Variants in ZIM3 observed in about 807,000 individuals in gnomAD.
ZIM3 encodes zinc finger imprinted 3, also known as zinc finger protein 657.
In ZIM3, 11 loss-of-function variants were observed where a neutral mutation model predicts 12.9. That is an observed-to-expected ratio of 0.85 (90% CI 0.54 to 1.41). The LOEUF (loss-of-function observed/expected upper bound fraction) is 1.41. Among genes scored for constraint, ZIM3 ranks in the 40% most tolerant of loss-of-function variants. The probability of loss-of-function intolerance (pLI) is 0.00; values close to 1 mark genes in which losing one functional copy is unlikely to be tolerated. For missense variants in ZIM3, 604 were observed against 557.2 expected, an observed-to-expected ratio of 1.08 and a Z score of -0.85; for synonymous variants, 205 against 198.5, an observed-to-expected ratio of 1.03 and a Z score of -0.28.
chr19:57,135,638 C>A lies in ZIM3; in HGVS notation c.699G>T (p.Lys233Asn), dbSNP rs2086882755. ...GATGTTGAAAGAGATTTGACTTCTG[C>A]TTGTAGGCATTTCCACAGTTCTCAC... ...YKCENCGNAY[K>N]QKSNLFQHQK... Residue 233 changes from lysine to asparagine, a missense_variant, in exon 5 of 5, where the codon AAG becomes AAT. Lys to Asn is a moderately conservative substitution (Grantham distance 94). Transcript: ENST00000269834. 1 of 1,611,880 alleles carries A rather than the reference C, an allele frequency of 6.2e-7. No homozygotes were observed. Among genetic ancestry groups the A allele is most frequent in the South Asian group, 1.1e-5 (1 of 91,034 alleles).
At position 57,135,899 on chromosome 19, in the gene ZIM3, G is replaced by A. The variant is rs78230615; in HGVS notation, c.438C>T (p.His146=). ...CTAATTTTCTGTATCCATTATCATCGTGAGAATTATTTTGTACATAGTGTT... is the reference window on the plus strand; with the variant it reads ...CTAATTTTCTGTATCCATTATCATCATGAGAATTATTTTGTACATAGTGTT... The part of the protein sequence containing the change: ...SLQHYVQNNS[H]DDNGYRKLVG... Residue 146 remains histidine, a synonymous_variant, in exon 5 of 5, where the codon CAC becomes CAT. Coordinates refer to ENST00000269834, the MANE Select transcript of ZIM3 (RefSeq NM_052882.1). The A allele has an allele frequency of 2.4e-4, 395 of 1,614,044 alleles. No homozygotes were observed. In the African/African-American group the frequency reaches 3.9e-3, roughly 16 times the overall value.
At chr19:57,142,231 C>G (rs1034195804) in intron 2 of ZIM3, among the ~76,000 whole-genome samples, 1 of 148,868 alleles carries the variant, frequency 6.7e-6, no homozygotes, top group African/African-American at 2.5e-5. Flanking sequence ...GCAGCCTCAA[C>G]CTCCCAGGTT....
Position 57,138,616 on chromosome 19 carries a change from C to T in ZIM3, c.16-18G>A, listed in dbSNP as rs374625711. The T allele has an allele frequency of 1.3e-5, 21 of 1,613,396 alleles. No individual in the cohort carries two copies. In the African/African-American group the frequency reaches 1.5e-4, roughly 11 times the overall value. ...ACTCTTCCCTGTAACAACAGATTCCCGATCAGTATAAAAATGCCATTGAAT... is the reference window on the plus strand; with the variant it reads ...ACTCTTCCCTGTAACAACAGATTCCTGATCAGTATAAAAATGCCATTGAAT... On this transcript the variant is annotated intron_variant, in intron 2 of 4. Coordinates refer to ENST00000269834, the MANE Select transcript of ZIM3 (RefSeq NM_052882.1).
chr19:57,137,074 TTGTG>T, intron 3 of ZIM3, 103 bp from the exon 4 acceptor site: 1 of 1,091,770 alleles, frequency 9.2e-7, no homozygotes, highest in Non-Finnish European at 1.4e-6. Flanking sequence ...GTGTGAATAT[TTGTG>T]TGTGAGTGTG....
chr19:57,141,677 C>A (rs577609786), intron 2 of ZIM3, among the ~76,000 whole-genome samples: 1 of 151,894 alleles, frequency 6.6e-6, no homozygotes, highest in Non-Finnish European at 1.5e-5. Flanking sequence ...ATGGTGAAGC[C>A]CCGTCTCTAC....
intron 4 of ZIM3, among the ~76,000 whole-genome samples, chr19:57,136,353 G>A (rs1235305014): frequency 6.6e-6 from 1 of 152,046 alleles, no homozygotes; most frequent in Non-Finnish European, 1.5e-5. Context: ...ATACCAGGGA[G>A]AGGGAGATTA....
chr19:57,138,396 A>G, intron 3 of ZIM3, 76 bp downstream of exon 3: 2 of 1,606,484 alleles, frequency 1.2e-6, no homozygotes, highest in Non-Finnish European at 1.7e-6. Flanking sequence ...TGCCAACCCT[A>G]TTTGGCCAGC....
chr19:57,135,180 G>C lies in ZIM3; in HGVS notation c.1157C>G (p.Thr386Ser). 6.2e-7 allele frequency: 1 copy of C among 1,613,898 alleles called. No individual in the cohort carries two copies. The highest frequency in any genetic ancestry group is 8.5e-7 in the Non-Finnish European group (1 of 1,179,910). The change falls in exon 5 of 5, where the codon ACT becomes AGT. Residue 386 changes from threonine (T) to serine (S), a missense_variant. Coordinates refer to ENST00000269834, the MANE Select transcript of ZIM3 (RefSeq NM_052882.1). ...KNLIQHKKIH[T>S]GEKPYECNRC... ...GTTACATTCATAGGGCTTTTCCCCA[G>C]TATGGATTTTTTTATGTTGAATGAG... is the stretch of plus-strand genomic sequence containing the variant.
chr19:57,142,600 T>C, intron 2 of ZIM3, 29 bp downstream of exon 2: 1 of 1,607,100 alleles, frequency 6.2e-7, no homozygotes, highest in Non-Finnish European at 8.5e-7. Context: ...TTATTCATTA[T>C]GAGATTTAGA....
chr19:57,144,450 A>T (rs1458542882), intron 1 of ZIM3, among the ~76,000 whole-genome samples: 1 of 149,480 alleles, frequency 6.7e-6, no homozygotes, highest in Non-Finnish European at 1.5e-5. Context: ...ATTCTAGCAC[A>T]AAAAATATAT....
In ZIM3 at chr19:57,135,746, AC is replaced by A; in HGVS notation, c.590del (p.Cys197PhefsTer127). The A allele has an allele frequency of 6.2e-7, 1 of 1,614,062 alleles. No individual in the cohort carries two copies. The highest frequency in any genetic ancestry group is 8.5e-7 in the Non-Finnish European group (1 of 1,180,038). ...CCCCGAATGCTCTTCCACAGCTATGACATTCAAAGGGTTTTTGACAGGCATG... is the reference window on the plus strand; with the variant it reads ...CCCCGAATGCTCTTCCACAGCTATGAATTCAAAGGGTTTTTGACAGGCATG... ...RRHACQKPFE[C>X]HSCGRAFGEK... is the part of the protein sequence containing the mutation. On this transcript the variant is annotated frameshift_variant, in exon 5 of 5. Coordinates refer to ENST00000269834, the MANE Select transcript of ZIM3 (RefSeq NM_052882.1). LOFTEE classifies it low-confidence loss of function (END_TRUNC).
At chr19:57,143,226 G>A (rs1447905045) in intron 1 of ZIM3, among the ~76,000 whole-genome samples, 2 of 151,988 alleles carry the variant, frequency 1.3e-5, no homozygotes, top group African/African-American at 4.8e-5. Context: ...AGCTACTCGG[G>A]AGGCTGAGGC....
At chr19:57,136,801 G>T in intron 4 of ZIM3, 72 bp downstream of exon 4, 1 of 1,343,688 alleles carries the variant, frequency 7.4e-7, no homozygotes, top group South Asian at 1.2e-5. Flanking sequence ...GCTGCCAAAC[G>T]ACTTCCTCAT....
intron 3 of ZIM3, among the ~76,000 whole-genome samples, chr19:57,138,084 G>A (rs142077856): frequency 2.1e-3 from 178 of 86,734 alleles, no homozygotes; most frequent in Middle Eastern, 0.017. Flanking sequence ...GGAAAGAAGG[G>A]AGGTAGGAAG....
rs1428872937 is a variant in ZIM3 at position 57,134,988 on chromosome 19, G to C, written c.1349C>G (p.Ser450Cys). The C allele has an allele frequency of 1.2e-6, 2 of 1,614,126 alleles. No homozygotes were observed. Among genetic ancestry groups the C allele is most frequent in the African/African-American group, 1.3e-5 (1 of 75,038 alleles). ...GTCAGCGAAGGCTTTACCGCATTCA[G>C]AACATCCATAAGGTTTTTGTCCAGT... ...THTGQKPYGCSECGKAFADRS... is the reference protein window; with the variant it reads ...THTGQKPYGCCECGKAFADRS... The change falls in exon 5 of 5, where the codon TCT becomes TGT. Residue 450 changes from serine to cysteine, a missense_variant. Physicochemically the swap from Ser to Cys is moderately radical, Grantham distance 112. Transcript: ENST00000269834.
chr19:57,137,800 T>C (rs1012711516), intron 3 of ZIM3, among the ~76,000 whole-genome samples: 1 of 129,410 alleles, frequency 7.7e-6, no homozygotes. Flanking sequence ...AGAAAGGAGA[T>C]AAAGAAAGAG....
chr19:57,141,648 C>T (rs1452313914), intron 2 of ZIM3, among the ~76,000 whole-genome samples: 2 of 151,916 alleles, frequency 1.3e-5, no homozygotes, highest in Non-Finnish European at 2.9e-5. Context: ...GTCAAGATTT[C>T]GAGGCCAGCC....
intron 1 of ZIM3, among the ~76,000 whole-genome samples, chr19:57,143,573 C>T (rs2086924627): frequency 6.6e-6 from 1 of 151,940 alleles, no homozygotes; most frequent in African/African-American, 2.4e-5. Flanking sequence ...ATTGGTAATT[C>T]TTTGCCAAAA....
intron 4 of ZIM3, among the ~76,000 whole-genome samples, chr19:57,136,579 G>C (rs10419135): frequency 1.3e-5 from 2 of 150,828 alleles, no homozygotes; most frequent in Non-Finnish European, 2.9e-5. Flanking sequence ...CAGGAGAATC[G>C]TTCGAACTCG....
Sources: allele counts gnomAD v4.1 joint callset (sites outside exome capture counted in the v4.1 genomes callset), GRCh38; gene constraint gnomAD v4.1.1; transcripts MANE v1.5; gene names NCBI Gene and HGNC (gene_info 2026-07-23, HGNC 2026-07-21).